Variants in PUDP observed in about 807,000 individuals in gnomAD.
PUDP encodes the protein pseudouridine 5'-phosphatase.
PUDP carries 8 observed loss-of-function variants against 9.4 expected under a neutral mutation model. The observed-to-expected ratio is 0.85, with a 90% CI of 0.50 to 1.53. The LOEUF is 1.53. Ranked by LOEUF, PUDP falls within the 40% of genes most tolerant of loss-of-function variation. The probability of loss-of-function intolerance (pLI) is 0.00; values close to 1 mark genes in which losing one functional copy is unlikely to be tolerated. For synonymous variants in PUDP, 99 were observed against 80.7 expected, an observed-to-expected ratio of 1.23 and a Z score of -1.22; for missense variants, 188 against 189.7, an observed-to-expected ratio of 0.99 and a Z score of 0.05.
At chrX:6,916,191 TACACAC>T (rs747162229) in intron 3 of PUDP, among the ~76,000 whole-genome samples, 4,950 of 69,713 alleles carry the variant, frequency 0.071, 179 homozygotes, top group Middle Eastern at 0.083. Flanking sequence ...ATGCTTTTTC[TACACAC>T]ACACACACAC....
intron 3 of PUDP, among the ~76,000 whole-genome samples, chrX:6,800,670 G>C (rs1925917668): frequency 9.0e-6 from 1 of 111,657 alleles, no homozygotes; most frequent in Non-Finnish European, 1.9e-5. Context: ...ATCTAATTCA[G>C]CAAGCAGGCC....
intron 3 of PUDP, among the ~76,000 whole-genome samples, chrX:6,787,752 A>G (rs1806961424): frequency 8.9e-6 from 1 of 112,240 alleles, no homozygotes; most frequent in Non-Finnish European, 1.9e-5. Context: ...ATTGACTTTT[A>G]TACTTGAACT....
intron 3 of PUDP, among the ~76,000 whole-genome samples, chrX:6,911,520 T>C (rs983394440): frequency 1.8e-5 from 2 of 112,128 alleles, no homozygotes; most frequent in African/African-American, 6.5e-5. Flanking sequence ...ACTAAGCTTT[T>C]CTTTGCATCT....
chrX:6,997,957 C>T (rs1471677242), intron 1 of PUDP, among the ~76,000 whole-genome samples: 1 of 112,105 alleles, frequency 8.9e-6, no homozygotes, highest in Admixed American at 9.4e-5. Context: ...AGACTAAACT[C>T]ATTTCACTGG....
At chrX:6,844,448 A>G (rs1271401722) in intron 3 of PUDP, among the ~76,000 whole-genome samples, 1 of 112,406 alleles carries the variant, frequency 8.9e-6, no homozygotes, top group East Asian at 2.8e-4. Context: ...CTCCAATTCT[A>G]ACGGGGAAAA....
At chrX:6,819,580 G>A (rs34671877) in intron 3 of PUDP, among the ~76,000 whole-genome samples, 3,252 of 112,408 alleles carry the variant, frequency 0.029, 53 homozygotes, top group Non-Finnish European at 0.045. Flanking sequence ...ATGGAAGAAC[G>A]GATTCACTCA....
At chrX:7,027,885 CTATA>C (rs58464210) in intron 1 of PUDP, among the ~76,000 whole-genome samples, 2 of 92,888 alleles carry the variant, frequency 2.2e-5, no homozygotes, top group African/African-American at 7.9e-5. Flanking sequence ...ATATTATTTT[CTATA>C]TATAGACTAT....
chrX:6,897,797 C>T (rs1927614213), intron 3 of PUDP, among the ~76,000 whole-genome samples: 1 of 111,026 alleles, frequency 9.0e-6, no homozygotes, highest in African/African-American at 3.3e-5. Flanking sequence ...GTAAGGGAGT[C>T]CTCATGACTT....
At chrX:7,100,367 C>G in intron 2 of PUDP, among the ~76,000 whole-genome samples, 1 of 111,243 alleles carries the variant, frequency 9.0e-6, no homozygotes, top group Non-Finnish European at 1.9e-5. Context: ...TTGCTAAATA[C>G]CTCCTTGGGT....
chrX:6,803,956 C>T (rs1231608082), intron 3 of PUDP, among the ~76,000 whole-genome samples: 3 of 108,984 alleles, frequency 2.8e-5, no homozygotes, highest in Non-Finnish European at 5.7e-5. Context: ...TAATTTAATT[C>T]GGGGTGGGGG....
chrX:6,751,842 T>G (rs1925092670), intron 3 of PUDP, among the ~76,000 whole-genome samples: 1 of 111,088 alleles, frequency 9.0e-6, no homozygotes, highest in Admixed American at 9.6e-5. Context: ...GAAGAACGAT[T>G]GGTGTTTTTG....
At chrX:6,803,486 C>T (rs754639622) in intron 3 of PUDP, among the ~76,000 whole-genome samples, 2 of 112,401 alleles carry the variant, frequency 1.8e-5, no homozygotes, top group East Asian at 5.6e-4. Flanking sequence ...CCAACCCCAT[C>T]ACCACTTCTA....
intron 3 of PUDP, among the ~76,000 whole-genome samples, chrX:6,829,517 C>T (rs775816995): frequency 3.1e-4 from 35 of 112,013 alleles, no homozygotes; most frequent in African/African-American, 1.0e-3. Flanking sequence ...GTTCCTGTTG[C>T]TCCACATCCT....
chrX:6,944,965 C>A (rs1489770380), intron 3 of PUDP, among the ~76,000 whole-genome samples: 2 of 111,646 alleles, frequency 1.8e-5, no homozygotes, highest in East Asian at 5.6e-4. Flanking sequence ...TAGGCCACTC[C>A]CCTGAAATCG....
chrX:6,752,581 G>A (rs1467472740), intron 3 of PUDP, among the ~76,000 whole-genome samples: 2 of 111,886 alleles, frequency 1.8e-5, no homozygotes, highest in African/African-American at 6.5e-5. Flanking sequence ...AGTAAAGGTG[G>A]CACTAAGGCT....
chrX:6,982,055 C>G (rs1307043004), intron 1 of PUDP, among the ~76,000 whole-genome samples: 2 of 106,894 alleles, frequency 1.9e-5, no homozygotes, highest in Non-Finnish European at 1.9e-5. Flanking sequence ...CACACACATA[C>G]ACACACGCAC....
At chrX:6,714,045 C>T (rs1268118221) in intron 1 of PUDP, among the ~76,000 whole-genome samples, 1 of 110,558 alleles carries the variant, frequency 9.0e-6, no homozygotes, top group African/African-American at 3.3e-5. Context: ...GCGCACACCA[C>T]CATACCCGGC....
At chrX:6,914,430 G>A (rs185257358) in intron 3 of PUDP, among the ~76,000 whole-genome samples, 8 of 111,529 alleles carry the variant, frequency 7.2e-5, no homozygotes, top group African/African-American at 9.8e-5. Context: ...TTTCCTTTTC[G>A]CGACGCAGTC....
At position 7,059,050 on chromosome X, in the gene PUDP, T is replaced by A. The variant is rs1398728925; in HGVS notation, c.511-8578A>T. The stretch of plus-strand genomic sequence containing the variant: ...TAAACATGTTTATAACAAAACCCTT[T>A]AGAGTTACAAGCTAGGTAAATGAAT... On this transcript the variant is annotated intron_variant, in intron 3 of 3. Coordinates refer to ENST00000381077, the MANE Select transcript of PUDP (RefSeq NM_012080.5). Among the ~76,000 whole-genome samples, 4 of 111,744 alleles carry A rather than the reference T, an allele frequency of 3.6e-5. No homozygotes were observed. In the Admixed American group the frequency reaches 3.8e-4, roughly 11 times the overall value.
Sources: allele counts gnomAD v4.1 joint callset (sites outside exome capture counted in the v4.1 genomes callset), GRCh38; gene constraint gnomAD v4.1.1; transcripts MANE v1.5; gene names NCBI Gene and HGNC (gene_info 2026-07-23, HGNC 2026-07-21).